Variants in ATP2A2 observed in about 807,000 individuals in gnomAD.
ATP2A2 encodes ATPase sarcoplasmic/endoplasmic reticulum Ca2+ transporting 2.
A neutral mutation model predicts 109.3 loss-of-function variants in ATP2A2; 14 were observed. The ratio of observed to expected loss-of-function variants is 0.13; its 90% CI spans 0.08 to 0.20. ATP2A2 has a LOEUF of 0.20. ATP2A2 is among the 10% of genes least tolerant of loss of function. The probability of loss-of-function intolerance (pLI) is 1.00; values close to 1 mark genes in which losing one functional copy is unlikely to be tolerated. For missense variants in ATP2A2, 657 were observed against 1,321.6 expected (o/e 0.50, Z 7.80); for synonymous variants, 506 against 490.9 (o/e 1.03, Z -0.41).
chr12:110,333,993 G>A lies in ATP2A2; in HGVS notation c.1288-19G>A, dbSNP rs774425076. ...TACTTCTCCCTTTTTTCTACTTTCT[G>A]TGCCTTTAACCAATACAGGCAAAGG... On this transcript the variant is annotated intron_variant, in intron 10 of 19. Coordinates refer to ENST00000539276, the MANE Select transcript of ATP2A2 (RefSeq NM_170665.4). 1 of 1,613,556 alleles carries A rather than the reference G, an allele frequency of 6.2e-7. No homozygotes were observed.
chr12:110,283,622 T>A (rs1312745547), intron 3 of ATP2A2, among the ~76,000 whole-genome samples: 2 of 152,216 alleles, frequency 1.3e-5, no homozygotes, highest in Non-Finnish European at 2.9e-5. Context: ...TTGCTAGTTT[T>A]CCTAAAAATG....
Position 110,339,385 on chromosome 12 carries a change from G to T in ATP2A2, c.1524G>T (p.Met508Ile). 2.5e-6 allele frequency: 4 copies of T among 1,614,140 alleles called. No individual in the cohort carries two copies. In the South Asian group the frequency reaches 4.4e-5, roughly 18 times the overall value. The part of the protein sequence containing the change: ...CTPNKPSRTS[M>I]SKMFVKGAPE... ...CAAATAAACCAAGCAGGACATCAAT[G>T]AGCAAGATGTTTGTGAAGGCAAGTA... The change falls in exon 12 of 20, where the codon ATG becomes ATT. Residue 508 changes from methionine to isoleucine, a missense_variant. Transcript: ENST00000539276. This position sits in a 1 kb window ranked among gnomAD's most constrained non-coding sequence, Gnocchi z 4.4.
At chr12:110,345,197 G>A in intron 17 of ATP2A2, 52 bp from the exon 18 acceptor site, 2 of 1,613,764 alleles carry the variant, frequency 1.2e-6, no homozygotes, top group Admixed American at 1.7e-5. Context: ...GTTGGAGCCT[G>A]GACTTGGGAA....
chr12:110,295,410 T>C lies in ATP2A2; in HGVS notation c.325-1189T>C, dbSNP rs540866720. On this transcript the variant is annotated intron_variant, in intron 4 of 19. Transcript: ENST00000539276. ...AACTCTTGGGCTCAAGCAGTCCTCTTACCTCAGCCTCCCAAAAGTGCTGGG... is the reference window on the plus strand; with the variant it reads ...AACTCTTGGGCTCAAGCAGTCCTCTCACCTCAGCCTCCCAAAAGTGCTGGG... 1.2e-3 allele frequency among the ~76,000 whole-genome samples: 179 copies of C among 151,686 alleles called. 1 individual carries two copies. Among genetic ancestry groups the C allele is most frequent in the African/African-American group, 4.2e-3 (172 of 41,334 alleles).
chr12:110,309,773 G>T (rs535561940), intron 5 of ATP2A2, among the ~76,000 whole-genome samples: 86 of 152,124 alleles, frequency 5.7e-4, no homozygotes, highest in Non-Finnish European at 9.4e-4. Flanking sequence ...AGGCGTGGTG[G>T]TGCGTACCTG....
At chr12:110,307,067 T>C (rs78178630) in intron 5 of ATP2A2, among the ~76,000 whole-genome samples, 8,068 of 151,982 alleles carry the variant, frequency 0.053, 291 homozygotes, top group Non-Finnish European at 0.078. Flanking sequence ...CCACAATTTC[T>C]TTTTCTTGGG....
rs1879227301 is a variant in ATP2A2, at chr12:110,340,319, A to G, written c.1762-340A>G. On this transcript the variant is annotated intron_variant, in intron 13 of 19. Coordinates refer to ENST00000539276, the MANE Select transcript of ATP2A2 (RefSeq NM_170665.4). This position sits in a 1 kb window ranked among gnomAD's most constrained non-coding sequence, Gnocchi z 6.0. The stretch of plus-strand genomic sequence containing the variant: ...TTTGGGAGGCCGAGGCTGGCAGATC[A>G]CCTGGGGTTGGGGGTTTGAGACCAG... Among the ~76,000 whole-genome samples, 1 of 152,086 alleles carries G rather than the reference A, an allele frequency of 6.6e-6. No homozygotes were observed. The highest frequency in any genetic ancestry group is 6.5e-5 in the Admixed American group (1 of 15,268).
chr12:110,302,156 AACCATTTTTAAG>A (rs1874724326), intron 5 of ATP2A2, among the ~76,000 whole-genome samples: 2 of 152,128 alleles, frequency 1.3e-5, no homozygotes, highest in African/African-American at 4.8e-5. Flanking sequence ...TACCCATTTT[AACCATTTTTAAG>A]CGTGCAGTTC....
chr12:110,314,812 T>C (rs769484602), intron 5 of ATP2A2, among the ~76,000 whole-genome samples: 8 of 152,328 alleles, frequency 5.3e-5, no homozygotes, highest in Non-Finnish European at 8.8e-5. Flanking sequence ...AGGTCTAATA[T>C]TGTTTTAGTG....
intron 7 of ATP2A2, among the ~76,000 whole-genome samples, chr12:110,326,924 T>G (rs1877864184): frequency 6.6e-6 from 1 of 152,206 alleles, no homozygotes; most frequent in Admixed American, 6.5e-5. Context: ...CTATTTCACT[T>G]TTTCTATTGA....
At chr12:110,302,858 A>G (rs1435289597) in intron 5 of ATP2A2, among the ~76,000 whole-genome samples, 1 of 152,052 alleles carries the variant, frequency 6.6e-6, no homozygotes, top group Non-Finnish European at 1.5e-5. Context: ...CGGCCTCCCA[A>G]AGTGCTGGGA....
chr12:110,333,393 AT>A (rs1878535404), intron 10 of ATP2A2, 110 bp downstream of exon 10: 2 of 1,049,864 alleles, frequency 1.9e-6, no homozygotes. Context: ...AGGGTGCCTG[AT>A]TTTGTTTCCC....
intron 8 of ATP2A2, chr12:110,331,310 T>C (rs1878315207): frequency 6.6e-6 from 1 of 152,094 alleles, no homozygotes; most frequent in African/African-American, 2.4e-5. Flanking sequence ...GATGAATTGC[T>C]CTGAAAAGAT....
chr12:110,287,416 C>T (rs1352500212), intron 3 of ATP2A2, among the ~76,000 whole-genome samples: 1 of 152,110 alleles, frequency 6.6e-6, no homozygotes, highest in Non-Finnish European at 1.5e-5. Context: ...GTTGAGTGTT[C>T]ATTAGCAAGT....
chr12:110,338,144 G>C (rs934857515), intron 11 of ATP2A2, among the ~76,000 whole-genome samples: 2 of 152,128 alleles, frequency 1.3e-5, no homozygotes, highest in East Asian at 1.9e-4. Context: ...GGAGGTGAAG[G>C]CTCCATAGTC....
intron 3 of ATP2A2, among the ~76,000 whole-genome samples, chr12:110,288,775 A>G (rs1872946607): frequency 6.6e-6 from 1 of 152,186 alleles, no homozygotes; most frequent in Non-Finnish European, 1.5e-5. Context: ...TTCCTTGTAT[A>G]AGTATACTTT....
At chr12:110,344,738 G>C in intron 16 of ATP2A2, 148 bp from the exon 17 acceptor site, 1 of 758,370 alleles carries the variant, frequency 1.3e-6, no homozygotes, top group South Asian at 1.5e-5. Context: ...TACCAGGCGT[G>C]AGCAGGTGGT....
Position 110,347,638 on chromosome 12 carries a change from CTA to C in ATP2A2, c.*1170_*1171del, listed in dbSNP as rs1302815015. ...GACCAAATGAACATATTGTATAGAACTATTTTTATTTGAATGTGGCACTAACC... is the reference window on the plus strand; with the variant it reads ...GACCAAATGAACATATTGTATAGAACTTTTTATTTGAATGTGGCACTAACC... On this transcript the variant is annotated 3_prime_UTR_variant, in exon 20 of 20. Transcript: ENST00000539276. The C allele has an allele frequency of 4.4e-5, 52 of 1,185,114 alleles. No homozygotes were observed. Among genetic ancestry groups the C allele is most frequent in the Non-Finnish European group, 5.5e-5 (52 of 939,140 alleles). 73.4% of individuals were successfully genotyped at this position (1,185,114 alleles called of 1,614,324 possible).
At chr12:110,294,505 C>G (rs1340477330) in intron 4 of ATP2A2, among the ~76,000 whole-genome samples, 2 of 152,010 alleles carry the variant, frequency 1.3e-5, no homozygotes, top group African/African-American at 2.4e-5. Flanking sequence ...ACTAAAAATA[C>G]AGAAAGTTAG....
Sources: gnomAD v4.1 joint callset for allele counts (sites outside exome capture counted in the v4.1 genomes callset) on GRCh38, gnomAD v4.1.1 for gene constraint, Gnocchi (gnomAD v3.1) non-coding constraint, MANE v1.5 for transcripts, NCBI Gene and HGNC (gene_info 2026-07-23, HGNC 2026-07-21) for gene names.